Variants in DNAH5 observed in about 807,000 individuals in gnomAD.
DNAH5 encodes dynein axonemal heavy chain 5.
Under a neutral mutation model 518.2 loss-of-function variants are expected in DNAH5, and 372 were observed. That is an observed-to-expected ratio of 0.72 (90% CI 0.66 to 0.78). The LOEUF is 0.78. DNAH5 is among the 30% of genes least tolerant of loss of function. The pLI is 0.00. For synonymous variants in DNAH5, 2,039 were observed against 2,025.9 expected (o/e 1.01, Z -0.17); for missense variants, 5,523 against 5,687.0 (o/e 0.97, Z 0.93).
At position 13,741,830 on chromosome 5, in the gene DNAH5, C is replaced by A. The variant is rs572102705; in HGVS notation, c.11212-4335G>T. On this transcript the variant is annotated intron_variant, in intron 65 of 78. Transcript: ENST00000265104. ...TATGTTTGAATTACAGCTCTCAAAA[C>A]CCTTCAGCCACTTGACATTTGCCAT... is the stretch of plus-strand genomic sequence containing the variant. 5.3e-5 allele frequency among the ~76,000 whole-genome samples: 8 copies of A among 152,202 alleles called. No individual in the cohort carries two copies. The East Asian group carries it at 1.5e-3, about 29-fold the overall frequency.
chr5:13,884,795 C>T (rs1227668486), intron 19 of DNAH5, among the ~76,000 whole-genome samples, 194 bp downstream of exon 19: 1 of 152,136 alleles, frequency 6.6e-6, no homozygotes, highest in Non-Finnish European at 1.5e-5. Context: ...GAGATCGTGC[C>T]GCTACCCTCC....
chr5:13,800,966 G>A (rs191534275), intron 47 of DNAH5, among the ~76,000 whole-genome samples: 1 of 152,288 alleles, frequency 6.6e-6, no homozygotes, highest in East Asian at 1.9e-4. Context: ...TCAGTGTCTA[G>A]AAGGGTGTCT....
chr5:13,733,455 A>G (rs1001887040), intron 68 of DNAH5, among the ~76,000 whole-genome samples: 1 of 152,224 alleles, frequency 6.6e-6, no homozygotes, highest in Non-Finnish European at 1.5e-5. Flanking sequence ...AGAGTCACTG[A>G]GGCCAGAAAT....
chr5:13,714,053 T>G (rs30176), intron 75 of DNAH5, among the ~76,000 whole-genome samples: 61,202 of 151,912 alleles, frequency 0.4, 12,429 homozygotes, highest in South Asian at 0.44. Context: ...AAAATGTATT[T>G]TTGAATAATC....
chr5:13,725,139 G>C (rs1320684465), intron 70 of DNAH5, among the ~76,000 whole-genome samples: 26 of 152,306 alleles, frequency 1.7e-4, no homozygotes, highest in Non-Finnish European at 7.3e-5. Flanking sequence ...GCCAGGATGA[G>C]ACATACATTG....
chr5:13,841,697 C>G lies in DNAH5; in HGVS notation c.5479G>C (p.Ala1827Pro), dbSNP rs1457078753. 1 of 1,610,006 alleles carries G rather than the reference C, an allele frequency of 6.2e-7. No individual in the cohort carries two copies. The highest frequency in any genetic ancestry group is 1.1e-5 in the South Asian group (1 of 91,004). The change falls in exon 33 of 79, where the codon GCT becomes CCT. Residue 1827 changes from alanine to proline, a missense_variant. Ala to Pro is a conservative substitution (Grantham distance 27). Transcript: ENST00000265104. The part of the protein sequence containing the change: ...QLTEFLSSFP[A>P]QVGLLGIQMI... The stretch of plus-strand genomic sequence containing the variant: ...TCAAATTTCAATACACTGACCTGAG[C>G]AGGGAAGGATGAAAGAAATTCAGTT...
rs1580248991 is a variant in DNAH5, at chr5:13,788,786, T to C, written c.8577A>G (p.Lys2859=). 6.2e-7 allele frequency: 1 copy of C among 1,614,146 alleles called. No individual in the cohort carries two copies. Among genetic ancestry groups the C allele is most frequent in the East Asian group, 2.2e-5 (1 of 44,878 alleles). ...SLVEEEFGEE[K]KLLVDCGIDT... is the part of the protein sequence containing the mutation. ...CAATTCCACAATCCACCAAGAGTTT[T>C]TTCTCTTCACCAAACTCCTCCTCTA... The change falls in exon 51 of 79, where the codon AAA becomes AAG. Residue 2859 remains lysine (K), a synonymous_variant. Coordinates refer to ENST00000265104, the MANE Select transcript of DNAH5 (RefSeq NM_001369.3).
At chr5:13,977,414 G>T (rs1327939842) in intron 1 of DNAH5, among the ~76,000 whole-genome samples, 1 of 152,146 alleles carries the variant, frequency 6.6e-6, no homozygotes, top group Non-Finnish European at 1.5e-5. Context: ...CATTACCATA[G>T]ACCGAAAGGC....
intron 15 of DNAH5, chr5:13,898,889 C>G (rs1774233937): frequency 2.0e-5 from 7 of 344,786 alleles, no homozygotes; most frequent in East Asian, 4.3e-5. Context: ...CAGTCCCTCT[C>G]TCAGTAGCCT....
chr5:13,849,629 C>A (rs1300115486), intron 31 of DNAH5, among the ~76,000 whole-genome samples: 1 of 152,112 alleles, frequency 6.6e-6, no homozygotes, highest in Non-Finnish European at 1.5e-5. Flanking sequence ...TTCTCTGCAC[C>A]AATTTTACCC....
chr5:13,821,624 C>T (rs1245180787), intron 40 of DNAH5, among the ~76,000 whole-genome samples: 1 of 152,102 alleles, frequency 6.6e-6, no homozygotes, highest in Non-Finnish European at 1.5e-5. Context: ...TGCACTTAAT[C>T]ATCATGCTAT....
At chr5:13,788,963 A>G in intron 50 of DNAH5, 49 bp from the exon 51 acceptor site, 2 of 1,554,806 alleles carry the variant, frequency 1.3e-6, no homozygotes, top group Non-Finnish European at 1.8e-6. Flanking sequence ...TTATGCCGTA[A>G]TTGGGAATTC....
rs10513153 is a variant in DNAH5 at position 13,769,891 on chromosome 5, C to T, written c.9606-276G>A. Among the ~76,000 whole-genome samples, 49,378 of 152,028 alleles carry T rather than the reference C, an allele frequency of 0.32. 8,255 individuals carry two copies. Among genetic ancestry groups the T allele is most frequent in the Non-Finnish European group, 0.37 (24,887 of 67,976 alleles). On this transcript the variant is annotated intron_variant, in intron 56 of 78. Transcript: ENST00000265104. ...GACAGTAAGGCTAGAATCTGTATCA[C>T]GAAGGAAACATACTTAATGACATTA...
chr5:13,829,368 T>C, intron 38 of DNAH5, 142 bp downstream of exon 38: 1 of 714,948 alleles, frequency 1.4e-6, no homozygotes, highest in Non-Finnish European at 2.3e-6. Flanking sequence ...TAAAATTATT[T>C]TTGTAGTAAT....
chr5:13,866,005 T>C lies in DNAH5; in HGVS notation c.4117-99A>G. 3.1e-6 allele frequency: 3 copies of C among 967,724 alleles called. 1 individual carries two copies. The South Asian group carries it at 4.1e-5, about 13-fold the overall frequency. The allele number at this position is 967,724 out of a possible 1,614,324, so 59.9% of individuals were successfully genotyped here. A position where few individuals can be genotyped will look rare whatever the true frequency, so the allele number is the denominator to read the frequency against. ...TGCAAACAAGCAAGCCAGAGATGTA[T>C]GATCTCTGGGCACATGTAAATAGGA... On this transcript the variant is annotated intron_variant, in intron 26 of 78. Transcript: ENST00000265104.
At chr5:13,801,024 GA>G (rs1304974131) in intron 47 of DNAH5, among the ~76,000 whole-genome samples, 1 of 152,160 alleles carries the variant, frequency 6.6e-6, no homozygotes, top group Non-Finnish European at 1.5e-5. Context: ...ATAAATACAA[GA>G]AACCTGGAGT....
intron 72 of DNAH5, 30 bp downstream of exon 72, chr5:13,718,852 C>G: frequency 6.4e-7 from 1 of 1,557,822 alleles, no homozygotes; most frequent in Non-Finnish European, 8.9e-7. Flanking sequence ...AAGGAAACTC[C>G]TGTAGACTCG....
At position 13,788,840 on chromosome 5, in the gene DNAH5, G is replaced by A. The variant is rs1385320996; in HGVS notation, c.8523C>T (p.Thr2841=). 1.2e-6 allele frequency: 2 copies of A among 1,613,882 alleles called. No homozygotes were observed. The highest frequency in any genetic ancestry group is 2.7e-5 in the African/African-American group (2 of 74,874). ...AACTTACTAAAGCCTTATCAAACCA[G>A]GTCACATCACTGGACACTGTGAAAC... ...ADRFTVSSDV[T]WFDKALVSLV... Residue 2841 remains threonine, a synonymous_variant, in exon 51 of 79, where the codon ACC becomes ACT. Coordinates refer to ENST00000265104, the MANE Select transcript of DNAH5 (RefSeq NM_001369.3).
In DNAH5 at chr5:13,777,221, T is replaced by C. The variant is rs762577230; in HGVS notation, c.9086A>G (p.Asn3029Ser). The change falls in exon 54 of 79, where the codon AAT becomes AGT. Residue 3029 changes from asparagine (N) to serine (S), a missense_variant. Asn to Ser is a conservative substitution (Grantham distance 46). Coordinates refer to ENST00000265104, the MANE Select transcript of DNAH5 (RefSeq NM_001369.3). ...KDESFLEYMNNVLSSGEVSNL... is the reference protein window; with the variant it reads ...KDESFLEYMNSVLSSGEVSNL... ...TCCTACCTCACCTGATGATAAAACA[T>C]TGTTCATATATTCCAAAAATGACTC... 1.9e-6 allele frequency: 3 copies of C among 1,612,856 alleles called. No individual in the cohort carries two copies. The highest frequency in any genetic ancestry group is 2.5e-6 in the Non-Finnish European group (3 of 1,179,266).
Sources: gnomAD v4.1 joint callset for allele counts (sites outside exome capture counted in the v4.1 genomes callset) on GRCh38, gnomAD v4.1.1 for gene constraint, MANE v1.5 for transcripts, NCBI Gene and HGNC (gene_info 2026-07-23, HGNC 2026-07-21) for gene names.